Variants in CRYZL1 observed in about 807,000 individuals in gnomAD.
The protein encoded by CRYZL1 is ferry endosomal RAB5 effector complex subunit 4.
In CRYZL1, 34 loss-of-function variants were observed where a neutral mutation model predicts 50.6. That is an observed-to-expected ratio of 0.67 (90% CI 0.51 to 0.89). The LOEUF is 0.89. Ranked by LOEUF, CRYZL1 falls within the 40% of genes least tolerant of loss-of-function variation. The pLI is 0.00. For synonymous variants in CRYZL1, 125 were observed against 134.3 expected (o/e 0.93, Z 0.48); for missense variants, 354 against 402.3 (o/e 0.88, Z 1.03).
chr21:33,632,492 C>A (rs1411893441), intron 1 of CRYZL1, among the ~76,000 whole-genome samples: 1 of 151,912 alleles, frequency 6.6e-6, no homozygotes, highest in Non-Finnish European at 1.5e-5. Flanking sequence ...ATCCGCCTGC[C>A]TCAGCCCCCC....
At chr21:33,602,548 G>C (rs2145924601) in intron 7 of CRYZL1, among the ~76,000 whole-genome samples, 1 of 152,284 alleles carries the variant, frequency 6.6e-6, no homozygotes, top group East Asian at 1.9e-4. Flanking sequence ...TACAAGGGGT[G>C]GTGGAAAAGC....
intron 4 of CRYZL1, among the ~76,000 whole-genome samples, chr21:33,618,056 G>T (rs1173830365): frequency 6.6e-6 from 1 of 152,086 alleles, no homozygotes; most frequent in African/African-American, 2.4e-5. Flanking sequence ...TTGGGAGGCC[G>T]AGGCGGGTGG....
chr21:33,607,095 C>T (rs2086822325), intron 6 of CRYZL1, among the ~76,000 whole-genome samples: 1 of 151,844 alleles, frequency 6.6e-6, no homozygotes, highest in Non-Finnish European at 1.5e-5. Context: ...AGTTTAGCTC[C>T]AAAGGAATAA....
At chr21:33,609,051 A>T (rs879296611) in intron 6 of CRYZL1, among the ~76,000 whole-genome samples, 1 of 152,196 alleles carries the variant, frequency 6.6e-6, no homozygotes, top group Non-Finnish European at 1.5e-5. Flanking sequence ...TCTGACAGGT[A>T]TGAGATGGTA....
intron 5 of CRYZL1, 57 bp from the exon 6 acceptor site, chr21:33,613,663 G>T: frequency 8.4e-7 from 1 of 1,185,424 alleles, no homozygotes; most frequent in Non-Finnish European, 1.3e-6. Context: ...TTCCTAATGA[G>T]AGGCCAGTAT....
At chr21:33,608,303 A>G (rs965950668) in intron 6 of CRYZL1, among the ~76,000 whole-genome samples, 3 of 152,106 alleles carry the variant, frequency 2.0e-5, no homozygotes, top group African/African-American at 7.2e-5. Flanking sequence ...AAAAATACAA[A>G]AAGTAGCCAG....
chr21:33,592,779 C>T (rs750025067), intron 11 of CRYZL1, among the ~76,000 whole-genome samples: 12 of 152,044 alleles, frequency 7.9e-5, no homozygotes, highest in Non-Finnish European at 1.2e-4. Flanking sequence ...GGGCTGGGTG[C>T]GGTGGCTAAC....
intron 1 of CRYZL1, among the ~76,000 whole-genome samples, chr21:33,632,293 T>C (rs1410318831): frequency 6.6e-6 from 1 of 151,786 alleles, no homozygotes; most frequent in Non-Finnish European, 1.5e-5. Context: ...GATCGCGCCA[T>C]TGCACTTCAG....
chr21:33,616,804 C>G (rs1311742800), intron 4 of CRYZL1, 54 bp from the exon 5 acceptor site: 1 of 1,384,416 alleles, frequency 7.2e-7, no homozygotes, highest in Non-Finnish European at 9.7e-7. Context: ...AAATATAATT[C>G]TTATCTATTA....
At chr21:33,638,578 C>T (rs1266429050) in intron 1 of CRYZL1, among the ~76,000 whole-genome samples, 1 of 152,134 alleles carries the variant, frequency 6.6e-6, no homozygotes, top group Non-Finnish European at 1.5e-5. Flanking sequence ...ATGGTATAGT[C>T]AACAGTCTCT....
At chr21:33,625,799 C>T (rs746382009) in intron 2 of CRYZL1, among the ~76,000 whole-genome samples, 6 of 151,224 alleles carry the variant, frequency 4.0e-5, no homozygotes, top group African/African-American at 1.2e-4. Flanking sequence ...ATTTTCTTAA[C>T]GCTATAAGTG....
intron 1 of CRYZL1, 106 bp from the exon 2 acceptor site, chr21:33,631,663 A>G (rs192591416): frequency 1.6e-6 from 1 of 610,992 alleles, no homozygotes; most frequent in East Asian, 4.0e-5. Context: ...ACAACTACAA[A>G]TGTAGTTTTC....
chr21:33,595,036 C>T (rs759403211), intron 11 of CRYZL1: 33 of 314,958 alleles, frequency 1.0e-4, no homozygotes, highest in Non-Finnish European at 1.5e-4. Flanking sequence ...TTACCAAGTG[C>T]TGCTGCCTCT....
In CRYZL1 at chr21:33,616,626, G is replaced by A. The variant is rs774178237; in HGVS notation, c.262+80C>T. 2.5e-6 allele frequency: 4 copies of A among 1,599,672 alleles called. No individual in the cohort carries two copies. The African/African-American group carries it at 5.4e-5, about 22-fold the overall frequency. On this transcript the variant is annotated intron_variant, in intron 5 of 12. Coordinates refer to ENST00000381554, the MANE Select transcript of CRYZL1 (RefSeq NM_145858.3). ...CTTCTATATGAAGCAAGGTCACAGT[G>A]AACATTAATAGTTATATAGAAAAAA...
intron 6 of CRYZL1, among the ~76,000 whole-genome samples, chr21:33,605,530 C>CTTTTTTTTTTTTTTTTTTATT (rs146096008): frequency 1.9e-5 from 1 of 53,196 alleles, no homozygotes; most frequent in Non-Finnish European, 3.2e-5. Flanking sequence ...TACAAGAATT[C>CTTTTTTTTTTTTTTTTTTATT]TTTTTTTTTT....
chr21:33,603,594 C>T (rs2086779252), intron 6 of CRYZL1, 57 bp from the exon 7 acceptor site: 1 of 1,597,868 alleles, frequency 6.3e-7, no homozygotes, highest in Non-Finnish European at 8.5e-7. Context: ...GTCCTACCTC[C>T]TGGATCTATT....
chr21:33,636,356 C>T (rs1413543848), intron 1 of CRYZL1, among the ~76,000 whole-genome samples: 2 of 152,138 alleles, frequency 1.3e-5, no homozygotes, highest in African/African-American at 4.8e-5. Context: ...GAGTGAAACC[C>T]TGTCTCTTAA....
Position 33,589,501 on chromosome 21 carries a change from A to G in CRYZL1, c.*321T>C, listed in dbSNP as rs1283364567. 4.4e-6 allele frequency: 2 copies of G among 449,826 alleles called. No individual in the cohort carries two copies. Among genetic ancestry groups the G allele is most frequent in the African/African-American group, 4.1e-5 (2 of 49,208 alleles). The allele number at this position is 449,826 out of a possible 1,614,324, so 27.9% of individuals were successfully genotyped here. A position where few individuals can be genotyped will look rare whatever the true frequency, so the allele number is the denominator to read the frequency against. On this transcript the variant is annotated 3_prime_UTR_variant, in exon 13 of 13. Coordinates refer to ENST00000381554, the MANE Select transcript of CRYZL1 (RefSeq NM_145858.3). ...AAGGCCTGCAACAGCTTTTATCAAGAGTAGTGTGACTTTTGCTGAAAGCAG... is the reference window on the plus strand; with the variant it reads ...AAGGCCTGCAACAGCTTTTATCAAGGGTAGTGTGACTTTTGCTGAAAGCAG...
chr21:33,602,145 T>C (rs1386704518), intron 8 of CRYZL1, 89 bp downstream of exon 8: 1 of 752,770 alleles, frequency 1.3e-6, no homozygotes, highest in Non-Finnish European at 2.3e-6. Flanking sequence ...TGGCCAGGGA[T>C]TTTGTACTTG....
Sources: gnomAD v4.1 joint callset for allele counts (sites outside exome capture counted in the v4.1 genomes callset) on GRCh38, gnomAD v4.1.1 for gene constraint, MANE v1.5 for transcripts, NCBI Gene and HGNC (gene_info 2026-07-23, HGNC 2026-07-21) for gene names.